TEKT5: variants seen among roughly 807,000 people sequenced by gnomAD.
TEKT5 encodes the protein tektin 5.
A neutral mutation model predicts 48.7 loss-of-function variants in TEKT5; 52 were observed. That is an observed-to-expected ratio of 1.07 (90% CI 0.86 to 1.35). The LOEUF (loss-of-function observed/expected upper bound fraction) is 1.35, where lower values mean the gene tolerates loss of function less well. Ranked by LOEUF, TEKT5 falls within the 40% of genes most tolerant of loss-of-function variation. The pLI, the probability that TEKT5 is intolerant of heterozygous loss-of-function variation, is 0.00. For missense variants in TEKT5, 831 were observed against 641.6 expected (o/e 1.30, Z -3.19); for synonymous variants, 318 against 267.6 (o/e 1.19, Z -1.84).
chr16:10,652,840 C>T (rs1898190060), intron 5 of TEKT5, among the ~76,000 whole-genome samples: 2 of 55,650 alleles, frequency 3.6e-5, no homozygotes, highest in South Asian at 5.5e-4. Flanking sequence ...CAGGCAGACA[C>T]ACACACACAC....
At chr16:10,693,979 T>C (rs1026867549) in intron 1 of TEKT5, among the ~76,000 whole-genome samples, 6 of 151,976 alleles carry the variant, frequency 3.9e-5, no homozygotes, top group African/African-American at 7.3e-5. Context: ...AAAAAATAAA[T>C]AAATAAGTCA....
chr16:10,669,351 C>T (rs906495861), intron 5 of TEKT5, among the ~76,000 whole-genome samples: 4 of 151,504 alleles, frequency 2.6e-5, no homozygotes, highest in African/African-American at 9.7e-5. Context: ...CCCAGCTACT[C>T]GGAAAGCTGA....
intron 4 of TEKT5, among the ~76,000 whole-genome samples, chr16:10,676,556 C>A (rs948468803): frequency 2.6e-5 from 4 of 152,104 alleles, no homozygotes; most frequent in Non-Finnish European, 5.9e-5. Context: ...AAGAGAGGGG[C>A]TCCCGCAGAG....
intron 5 of TEKT5, among the ~76,000 whole-genome samples, chr16:10,638,335 G>A (rs1897944931): frequency 6.6e-6 from 1 of 151,926 alleles, no homozygotes; most frequent in Admixed American, 6.5e-5. Context: ...CTACCCTATT[G>A]TCACCCAGTG....
intron 4 of TEKT5, among the ~76,000 whole-genome samples, chr16:10,679,454 TA>T (rs60522817): frequency 0.014 from 1,678 of 120,168 alleles, 19 homozygotes; most frequent in African/African-American, 0.036. Context: ...AGACTCTGTC[TA>T]AAAAAAAAAA....
chr16:10,636,883 C>A (rs1049408179), intron 5 of TEKT5, among the ~76,000 whole-genome samples: 6 of 151,008 alleles, frequency 4.0e-5, no homozygotes, highest in African/African-American at 1.5e-4. Context: ...GTGCTGTGAT[C>A]TGGGCTCACT....
intron 4 of TEKT5, 120 bp from the exon 5 acceptor site, chr16:10,676,301 T>A: frequency 1.0e-6 from 1 of 957,624 alleles, no homozygotes; most frequent in East Asian, 2.6e-5. Context: ...CATTGTAGGG[T>A]GCTTGGGATG....
chr16:10,646,251 T>C (rs548686079), intron 5 of TEKT5, among the ~76,000 whole-genome samples: 1 of 152,292 alleles, frequency 6.6e-6, no homozygotes, highest in East Asian at 1.9e-4. Context: ...ATCAATTGAA[T>C]GAATGAATCA....
intron 5 of TEKT5, among the ~76,000 whole-genome samples, chr16:10,654,819 A>G (rs1331888789): frequency 1.3e-5 from 2 of 151,574 alleles, no homozygotes; most frequent in African/African-American, 4.9e-5. Flanking sequence ...CTCCTCTCAG[A>G]TACATTTCTA....
intron 5 of TEKT5, among the ~76,000 whole-genome samples, chr16:10,638,450 A>G (rs1341422305): frequency 6.6e-6 from 1 of 151,774 alleles, no homozygotes; most frequent in Non-Finnish European, 1.5e-5. Flanking sequence ...TCAGCAGGAC[A>G]CAATGGTGAG....
intron 4 of TEKT5, among the ~76,000 whole-genome samples, chr16:10,676,924 C>T (rs933689984): frequency 1.4e-5 from 2 of 141,286 alleles, no homozygotes; most frequent in Admixed American, 1.4e-4. Flanking sequence ...CCAGCCATGC[C>T]TCTAATCCCA....
At chr16:10,647,323 T>A (rs1390602178) in intron 5 of TEKT5, among the ~76,000 whole-genome samples, 6 of 151,378 alleles carry the variant, frequency 4.0e-5, no homozygotes, top group Non-Finnish European at 7.4e-5. Flanking sequence ...TAAAAAAAAA[T>A]AAGCCGGGCG....
intron 5 of TEKT5, among the ~76,000 whole-genome samples, chr16:10,642,316 T>C (rs1567225802): frequency 6.6e-6 from 1 of 152,172 alleles, no homozygotes; most frequent in Non-Finnish European, 1.5e-5. Flanking sequence ...TTACTGGGCA[T>C]TCACTGTCCA....
In TEKT5 at chr16:10,689,309, TAGCA is replaced by T. The variant is rs762010509; in HGVS notation, c.659_662del (p.Leu220Ter). ...TTCTCATCTGTTCTTGGCAACATTT[TAGCA>T]AATCCACTTCCTGAAATGAAAAATG... On this transcript the variant is annotated frameshift_variant, in exon 3 of 7. Transcript: ENST00000283025. LOFTEE classifies it high-confidence loss of function. The T allele has an allele frequency of 3.1e-6, 5 of 1,613,672 alleles. No homozygotes were observed. Among genetic ancestry groups the T allele is most frequent in the Admixed American group, 1.7e-5 (1 of 59,992 alleles).
chr16:10,630,789 C>T lies in TEKT5; in HGVS notation c.1242-2990G>A, dbSNP rs575899105. 3.8e-4 allele frequency among the ~76,000 whole-genome samples: 58 copies of T among 152,022 alleles called. 1 individual carries two copies. In the South Asian group the frequency reaches 0.012, roughly 31 times the overall value. On this transcript the variant is annotated intron_variant, in intron 6 of 6. Coordinates refer to ENST00000283025, the MANE Select transcript of TEKT5 (RefSeq NM_144674.2). Reference sequence around the variant, plus strand: ...ATCCCAGCACTTTGGGAGGCTGAGGCGGGCAGATCACTTGAGGTCAGGGGT... The same window carrying T: ...ATCCCAGCACTTTGGGAGGCTGAGGTGGGCAGATCACTTGAGGTCAGGGGT...
chr16:10,629,432 G>T (rs193019290), intron 6 of TEKT5, among the ~76,000 whole-genome samples: 136 of 152,104 alleles, frequency 8.9e-4, no homozygotes, highest in African/African-American at 3.0e-3. Context: ...TCATGTTTTA[G>T]TAGAGACAGT....
At chr16:10,649,158 G>A (rs1898115366) in intron 5 of TEKT5, among the ~76,000 whole-genome samples, 1 of 152,090 alleles carries the variant, frequency 6.6e-6, no homozygotes, top group African/African-American at 2.4e-5. Flanking sequence ...TCACTATGTT[G>A]CCTAGGCTGG....
chr16:10,641,649 T>C (rs1043273631), intron 5 of TEKT5, among the ~76,000 whole-genome samples: 1 of 152,106 alleles, frequency 6.6e-6, no homozygotes, highest in African/African-American at 2.4e-5. Context: ...AGTGAGACCT[T>C]GTCTCCACGA....
At chr16:10,690,141 G>T (rs1254049084) in intron 1 of TEKT5, 116 bp from the exon 2 acceptor site, 2 of 1,073,308 alleles carry the variant, frequency 1.9e-6, no homozygotes, top group African/African-American at 1.6e-5. Flanking sequence ...AAACCTGGGT[G>T]CTTCATGTGA....
Sources: allele counts gnomAD v4.1 joint callset (sites outside exome capture counted in the v4.1 genomes callset), GRCh38; gene constraint gnomAD v4.1.1; transcripts MANE v1.5; gene names NCBI Gene and HGNC (gene_info 2026-07-23, HGNC 2026-07-21).